Variants in MTMR9 observed in about 807,000 individuals in gnomAD.
MTMR9 encodes the protein myotubularin related protein 9.
In MTMR9, 39 loss-of-function variants were observed where a neutral mutation model predicts 69.5. That is an observed-to-expected ratio of 0.56 (90% CI 0.43 to 0.73). The LOEUF is 0.73. Ranked by LOEUF, MTMR9 falls within the 30% of genes least tolerant of loss-of-function variation. MTMR9 has a pLI of 0.00. For missense variants in MTMR9, 900 were observed against 671.2 expected (o/e 1.34, Z -3.77); for synonymous variants, 354 against 240.8 (o/e 1.47, Z -4.35).
At chr8:11,334,452 G>C in the MTMR9 span, among the ~76,000 whole-genome samples, 1 of 152,108 alleles carries the variant, frequency 6.6e-6, no homozygotes, top group African/African-American at 2.4e-5. Context: ...AGATTAGACT[G>C]TTTAAACTTT....
At chr8:11,296,324 G>A (rs1318385364) in intron 2 of MTMR9, among the ~76,000 whole-genome samples, 1 of 152,056 alleles carries the variant, frequency 6.6e-6, no homozygotes, top group Non-Finnish European at 1.5e-5. Flanking sequence ...TATAATACTT[G>A]GTAAATAGCA....
chr8:11,326,198 T>C lies in MTMR9; in HGVS notation c.*3410T>C, dbSNP rs1019255029. 6.6e-6 allele frequency: 1 copy of C among 152,350 alleles called. No homozygotes were observed. The highest frequency in any genetic ancestry group is 1.9e-4 in the East Asian group (1 of 5,192). The allele number at this position is 152,350 out of a possible 1,614,324, so 9.4% of individuals were successfully genotyped here. A position where few individuals can be genotyped will look rare whatever the true frequency, so the allele number is the denominator to read the frequency against. On this transcript the variant is annotated 3_prime_UTR_variant, in exon 10 of 10. Coordinates refer to ENST00000221086, the MANE Select transcript of MTMR9 (RefSeq NM_015458.4). Reference sequence around the variant, plus strand: ...TGCTTCAAGGCATAACTCGTGTAGTTGTCTGGTTTCAGGGATAGCTGTTTG... The same window carrying C: ...TGCTTCAAGGCATAACTCGTGTAGTCGTCTGGTTTCAGGGATAGCTGTTTG...
chr8:11,291,837 G>C (rs1360051246), intron 1 of MTMR9, among the ~76,000 whole-genome samples: 1 of 152,044 alleles, frequency 6.6e-6, no homozygotes, highest in Admixed American at 6.6e-5. Flanking sequence ...TGGTTGCTGT[G>C]TGTCTTTCAC....
intron 1 of MTMR9, among the ~76,000 whole-genome samples, chr8:11,289,035 G>T (rs1799287438): frequency 6.6e-6 from 1 of 152,160 alleles, no homozygotes; most frequent in Admixed American, 6.5e-5. Context: ...AGCTGGGTTT[G>T]GTGGTGCATG....
chr8:11,293,736 G>A (rs1041384293), intron 1 of MTMR9, among the ~76,000 whole-genome samples: 4 of 150,996 alleles, frequency 2.6e-5, no homozygotes, highest in African/African-American at 9.8e-5. Context: ...TTTTGTATAT[G>A]GTTCATGATT....
the MTMR9 span, among the ~76,000 whole-genome samples, chr8:11,338,314 G>A: frequency 1.3e-5 from 2 of 152,210 alleles, no homozygotes; most frequent in African/African-American, 4.8e-5. Flanking sequence ...AGTGTCCAGA[G>A]GTCTTCCCAT....
chr8:11,293,019 T>C (rs1469716398), intron 1 of MTMR9, among the ~76,000 whole-genome samples: 2 of 152,238 alleles, frequency 1.3e-5, no homozygotes, highest in Non-Finnish European at 2.9e-5. Flanking sequence ...GAATGTTAAC[T>C]GTAAAACAGC....
At chr8:11,330,871 C>G, downstream of MTMR9, 1 of 810,672 alleles carries the variant, frequency 1.2e-6, no homozygotes, top group Non-Finnish European at 1.8e-6. Context: ...TCCTATGACC[C>G]TGCCAAATCC....
chr8:11,284,849 C>T lies in MTMR9; in HGVS notation c.-40C>T, dbSNP rs779597242. On this transcript the variant is annotated 5_prime_UTR_variant, in exon 1 of 10. Transcript: ENST00000221086. ...CCTGCGGCGGGGTAACCGCCTCGCACCTACCGGGCTCGGTTCCCTGGCTCC... is the reference window on the plus strand; with the variant it reads ...CCTGCGGCGGGGTAACCGCCTCGCATCTACCGGGCTCGGTTCCCTGGCTCC... 8.4e-6 allele frequency: 13 copies of T among 1,554,590 alleles called. No homozygotes were observed. Among genetic ancestry groups the T allele is most frequent in the African/African-American group, 1.4e-5 (1 of 69,434 alleles).
At chr8:11,285,101 G>A in intron 1 of MTMR9, 31 bp downstream of exon 1, 1 of 1,513,386 alleles carries the variant, frequency 6.6e-7, no homozygotes, top group East Asian at 2.6e-5. Flanking sequence ...AGCTCCGCAG[G>A]GAGCCGGGGG....
chr8:11,316,945 T>C, intron 8 of MTMR9, 52 bp downstream of exon 8: 2 of 1,283,126 alleles, frequency 1.6e-6, no homozygotes. Flanking sequence ...TTTTGGCTAC[T>C]TCCTAAGTAG....
intron 8 of MTMR9, 136 bp downstream of exon 8, chr8:11,317,029 T>G (rs1800448928): frequency 1.9e-6 from 1 of 528,656 alleles, no homozygotes; most frequent in Non-Finnish European, 3.2e-6. Context: ...CTACAGTTAA[T>G]TATAATTTAA....
chr8:11,320,144 C>G (rs187158123), intron 9 of MTMR9: 7 of 239,706 alleles, frequency 2.9e-5, no homozygotes, highest in Admixed American at 1.1e-4. Context: ...GTAGTTGGGA[C>G]ATGAATAAAT....
rs756700332 is a variant in MTMR9 at position 11,300,009 on chromosome 8, C to A, written c.292-14C>A. 6.3e-7 allele frequency: 1 copy of A among 1,599,456 alleles called. No homozygotes were observed. The highest frequency in any genetic ancestry group is 1.1e-5 in the South Asian group (1 of 87,816). On this transcript the variant is annotated splice_polypyrimidine_tract_variant and intron_variant, in intron 2 of 9. Transcript: ENST00000221086. The stretch of plus-strand genomic sequence containing the variant: ...GATGTTTCTTTTTTGTCTTTCTTTT[C>A]TTTTTGCCCCCAGGCATTGTCTACT...
At chr8:11,294,067 C>A (rs975735176) in intron 1 of MTMR9, among the ~76,000 whole-genome samples, 1 of 152,140 alleles carries the variant, frequency 6.6e-6, no homozygotes, top group Admixed American at 6.5e-5. Context: ...TTTTCAGTTT[C>A]TACATTAAAG....
At chr8:11,337,122 A>G in the MTMR9 span, among the ~76,000 whole-genome samples, 1 of 152,200 alleles carries the variant, frequency 6.6e-6, no homozygotes, top group African/African-American at 2.4e-5. Flanking sequence ...CTTGCCACAG[A>G]CACCAAATAT....
At chr8:11,302,247 T>A (rs1328828145) in intron 3 of MTMR9, among the ~76,000 whole-genome samples, 1 of 95,682 alleles carries the variant, frequency 1.0e-5, no homozygotes, top group Admixed American at 1.4e-4. Context: ...AGCAAGACCC[T>A]GTCTCCAAAA....
In MTMR9 at chr8:11,284,967, G is replaced by A. The variant is rs773121354; in HGVS notation, c.79G>A (p.Gly27Ser). 6.2e-7 allele frequency: 1 copy of A among 1,613,914 alleles called. No homozygotes were observed. Among genetic ancestry groups the A allele is most frequent in the Non-Finnish European group, 8.5e-7 (1 of 1,179,942 alleles). Reference sequence around the variant, plus strand: ...CCGGCCTTTCTACCCGGCTGTCGAGGGCACCCTGTGCCTGACGGGCCACCA... The same window carrying A: ...CCGGCCTTTCTACCCGGCTGTCGAGAGCACCCTGTGCCTGACGGGCCACCA... ...LHRPFYPAVE[G>S]TLCLTGHHLI... The change falls in exon 1 of 10, where the codon GGC (glycine) becomes AGC (serine). Residue 27 changes from glycine (G) to serine (S), a missense_variant. Gly to Ser is a moderately conservative substitution (Grantham distance 56). Transcript: ENST00000221086.
intron 3 of MTMR9, among the ~76,000 whole-genome samples, chr8:11,304,071 A>G (rs995953687): frequency 3.3e-5 from 5 of 151,972 alleles, no homozygotes; most frequent in African/African-American, 1.2e-4. Context: ...TTTTTACTGT[A>G]AAACCTTTTG....
Sources: allele counts gnomAD v4.1 joint callset (sites outside exome capture counted in the v4.1 genomes callset), GRCh38; gene constraint gnomAD v4.1.1; transcripts MANE v1.5; gene names NCBI Gene and HGNC (gene_info 2026-07-23, HGNC 2026-07-21).